The following FSTL4 variants were observed in gnomAD, a reference collection of about 807,000 sequenced individuals.
FSTL4 encodes the protein follistatin-related protein 4.
Under a neutral mutation model 78.2 loss-of-function variants are expected in FSTL4, and 28 were observed. The ratio of observed to expected loss-of-function variants is 0.36; its 90% confidence interval spans 0.27 to 0.49. The LOEUF is 0.49. Ranked by LOEUF, FSTL4 falls within the 20% of genes least tolerant of loss-of-function variation. The probability of loss-of-function intolerance (pLI) is 0.98; values close to 1 mark genes in which losing one functional copy is unlikely to be tolerated. For synonymous variants in FSTL4, 422 were observed against 440.5 expected, an observed-to-expected ratio of 0.96 and a Z score of 0.53; for missense variants, 922 against 1,084.9, an observed-to-expected ratio of 0.85 and a Z score of 2.11.
intron 2 of FSTL4, among the ~76,000 whole-genome samples, chr5:133,581,102 A>T (rs569257654): frequency 6.6e-6 from 1 of 152,346 alleles, no homozygotes; most frequent in East Asian, 1.9e-4. Context: ...CTTTCATTGT[A>T]CCACTATAAC....
chr5:133,571,103 GA>G (rs368007971), intron 2 of FSTL4, among the ~76,000 whole-genome samples: 2,084 of 143,600 alleles, frequency 0.015, 40 homozygotes, highest in African/African-American at 0.049. Context: ...CCTTGAACAA[GA>G]AAAAAAAAAG....
At chr5:133,478,129 G>A (rs1490425090) in intron 3 of FSTL4, among the ~76,000 whole-genome samples, 1 of 152,196 alleles carries the variant, frequency 6.6e-6, no homozygotes, top group African/African-American at 2.4e-5. Flanking sequence ...AACCACTTTT[G>A]ATGTTCTTCC....
intron 4 of FSTL4, among the ~76,000 whole-genome samples, chr5:133,377,587 T>C (rs1334667482): frequency 6.6e-6 from 1 of 151,122 alleles, no homozygotes; most frequent in Non-Finnish European, 1.5e-5. Flanking sequence ...AGCTAGACTG[T>C]AGGACAGCTA....
At chr5:133,204,383 G>C (rs549559951) in intron 14 of FSTL4, among the ~76,000 whole-genome samples, 1 of 152,262 alleles carries the variant, frequency 6.6e-6, no homozygotes, top group South Asian at 2.1e-4. Context: ...ACAATATTAG[G>C]ATATTATTTT....
chr5:133,651,426 A>T, the FSTL4 span, among the ~76,000 whole-genome samples: 1 of 152,074 alleles, frequency 6.6e-6, no homozygotes, highest in African/African-American at 2.4e-5. Flanking sequence ...CTAGTTTACT[A>T]AGAGGTCTTT....
chr5:133,457,288 G>A (rs925918169), intron 3 of FSTL4, among the ~76,000 whole-genome samples: 3 of 152,162 alleles, frequency 2.0e-5, no homozygotes, highest in East Asian at 1.9e-4. Flanking sequence ...GCATGCGCAC[G>A]TTAACCTTTC....
intron 13 of FSTL4, among the ~76,000 whole-genome samples, chr5:133,211,549 C>G (rs1371363974): frequency 6.8e-6 from 1 of 147,178 alleles, no homozygotes; most frequent in Non-Finnish European, 1.5e-5. Context: ...ACTGCATCAT[C>G]TCTGCCTCCA....
intron 3 of FSTL4, among the ~76,000 whole-genome samples, chr5:133,537,323 C>T (rs1342844970): frequency 6.6e-6 from 1 of 152,156 alleles, no homozygotes; most frequent in Non-Finnish European, 1.5e-5. Flanking sequence ...GGACCTTACA[C>T]ATTTTAGTTA....
At chr5:133,683,374 T>G in the FSTL4 span, among the ~76,000 whole-genome samples, 1 of 148,680 alleles carries the variant, frequency 6.7e-6, no homozygotes, top group South Asian at 2.1e-4. Context: ...GAGCTCACAT[T>G]TTCAATAACT....
At chr5:133,489,181 C>G (rs1417516004) in intron 3 of FSTL4, among the ~76,000 whole-genome samples, 1 of 152,238 alleles carries the variant, frequency 6.6e-6, no homozygotes, top group African/African-American at 2.4e-5. Context: ...GGCAGACCCT[C>G]TGGAGAACCC....
chr5:133,582,691 T>C (rs1418651830), intron 2 of FSTL4, among the ~76,000 whole-genome samples: 2 of 152,158 alleles, frequency 1.3e-5, no homozygotes, highest in African/African-American at 4.8e-5. Context: ...TCTTCTTCCT[T>C]CCATGCTAGG....
the FSTL4 span, among the ~76,000 whole-genome samples, chr5:133,834,476 T>A: frequency 6.8e-6 from 1 of 146,086 alleles, no homozygotes; most frequent in African/African-American, 2.5e-5. Flanking sequence ...CCATTAAAGA[T>A]AATGCTGCCA....
At chr5:133,383,402 C>A (rs1035402134) in intron 4 of FSTL4, among the ~76,000 whole-genome samples, 1 of 152,182 alleles carries the variant, frequency 6.6e-6, no homozygotes, top group African/African-American at 2.4e-5. Context: ...AGTGGTGGTG[C>A]TAGGGTCGGG....
chr5:133,671,404 C>T, the FSTL4 span, among the ~76,000 whole-genome samples: 1 of 144,046 alleles, frequency 6.9e-6, no homozygotes, highest in Non-Finnish European at 1.5e-5. Context: ...GAGATAGATG[C>T]TGTTATTATC....
chr5:133,614,392 C>T (rs1465435513), upstream of FSTL4, among the ~76,000 whole-genome samples: 1 of 152,178 alleles, frequency 6.6e-6, no homozygotes, highest in East Asian at 1.9e-4. Context: ...GTAGTTGCTG[C>T]AAACCAGATG....
the FSTL4 span, among the ~76,000 whole-genome samples, chr5:133,777,664 A>G: frequency 2.6e-5 from 4 of 152,320 alleles, no homozygotes; most frequent in African/African-American, 9.6e-5. Flanking sequence ...ACATTACACA[A>G]ATTATTCTGC....
chr5:133,360,473 ATTT>A (rs57176651), intron 4 of FSTL4, among the ~76,000 whole-genome samples: 2,058 of 130,924 alleles, frequency 0.016, 36 homozygotes, highest in African/African-American at 0.046. Context: ...TCAGGCAATA[ATTT>A]TTTTTTTTTT....
intron 4 of FSTL4, among the ~76,000 whole-genome samples, chr5:133,397,281 G>C (rs1397219531): frequency 6.6e-6 from 1 of 152,202 alleles, no homozygotes; most frequent in African/African-American, 2.4e-5. Context: ...GCATTCTCTT[G>C]GTAGGATTTG....
At chr5:133,657,083 A>G in the FSTL4 span, among the ~76,000 whole-genome samples, 1 of 152,210 alleles carries the variant, frequency 6.6e-6, no homozygotes, top group Non-Finnish European at 1.5e-5. Flanking sequence ...AGGTTTGGAC[A>G]TTTGGTAAGT....
Sources: allele counts gnomAD v4.1 joint callset (sites outside exome capture counted in the v4.1 genomes callset), GRCh38; gene constraint gnomAD v4.1.1; transcripts MANE v1.5; gene names NCBI Gene and HGNC (gene_info 2026-07-23, HGNC 2026-07-21).